Variants in TCAIM observed in about 807,000 individuals in gnomAD.
The protein encoded by TCAIM is T cell activation inhibitor, mitochondrial.
TCAIM carries 36 observed loss-of-function variants against 58.6 expected under a neutral mutation model. That is an observed-to-expected ratio of 0.61 (90% CI 0.47 to 0.81). The LOEUF (loss-of-function observed/expected upper bound fraction) is 0.81. Among genes scored for constraint, TCAIM ranks in the 30% least tolerant of loss-of-function variants. The probability of loss-of-function intolerance (pLI) is 0.00; values close to 1 mark genes in which losing one functional copy is unlikely to be tolerated. For missense variants in TCAIM, 466 were observed against 579.6 expected, an observed-to-expected ratio of 0.80 and a Z score of 2.01; for synonymous variants, 172 against 193.6, an observed-to-expected ratio of 0.89 and a Z score of 0.93.
intron 3 of TCAIM, among the ~76,000 whole-genome samples, chr3:44,360,930 A>T (rs1701286018): frequency 6.6e-6 from 1 of 152,228 alleles, no homozygotes; most frequent in Admixed American, 6.5e-5. Context: ...TTTTCAGCAA[A>T]AATAGAAATA....
chr3:44,358,191 ATCTC>A (rs746343248), intron 3 of TCAIM: 20 of 1,560,454 alleles, frequency 1.3e-5, no homozygotes, highest in Admixed American at 2.0e-5. Context: ...ATCATGATCA[ATCTC>A]TCTCTCTTTT....
intron 5 of TCAIM, among the ~76,000 whole-genome samples, chr3:44,373,712 A>G (rs1701519454): frequency 6.6e-6 from 1 of 152,272 alleles, no homozygotes; most frequent in South Asian, 2.1e-4. Flanking sequence ...AAATTATATA[A>G]AATTATAAAA....
intron 5 of TCAIM, among the ~76,000 whole-genome samples, chr3:44,379,663 AC>A (rs1701624895): frequency 6.6e-6 from 1 of 152,188 alleles, no homozygotes; most frequent in South Asian, 2.1e-4. Flanking sequence ...ATAAGTGGGA[AC>A]AAAATAATGA....
intron 5 of TCAIM, among the ~76,000 whole-genome samples, chr3:44,389,696 T>C (rs566215304): frequency 6.6e-6 from 1 of 152,204 alleles, no homozygotes; most frequent in East Asian, 1.9e-4. Context: ...ACGAATATTC[T>C]TAAAGAGGGT....
At chr3:44,358,446 C>A in intron 3 of TCAIM, 1 of 562,912 alleles carries the variant, frequency 1.8e-6, no homozygotes. Context: ...CAACCTCAGA[C>A]TGAAAATATT....
intron 5 of TCAIM, among the ~76,000 whole-genome samples, chr3:44,387,755 G>A (rs900019438): frequency 3.3e-5 from 5 of 152,146 alleles, no homozygotes; most frequent in Admixed American, 2.0e-4. Context: ...CAGTGGGCCC[G>A]AGCCAAACTC....
chr3:44,342,996 G>A lies in TCAIM; in HGVS notation c.-45+4162G>A, dbSNP rs1006725864. ...TACTAAAAATACAAAAATTCGCTGG[G>A]TGCGGTGGCAGGCGACTGTAATCCC... On this transcript the variant is annotated intron_variant, in intron 1 of 10. Transcript: ENST00000342649. Among the ~76,000 whole-genome samples the A allele has an allele frequency of 9.2e-5, 14 of 152,048 alleles. 1 individual carries two copies. The highest frequency in any genetic ancestry group is 9.2e-4 in the Admixed American group (14 of 15,272).
At chr3:44,344,648 A>T (rs1433452683) in intron 1 of TCAIM, among the ~76,000 whole-genome samples, 2 of 152,048 alleles carry the variant, frequency 1.3e-5, no homozygotes, top group African/African-American at 4.8e-5. Flanking sequence ...GGCACTAATG[A>T]CCTTATTACT....
At chr3:44,404,462 G>C (rs757428366) in intron 10 of TCAIM, among the ~76,000 whole-genome samples, 17 of 151,912 alleles carry the variant, frequency 1.1e-4, no homozygotes, top group Non-Finnish European at 2.1e-4. Context: ...TCTGGCTCTG[G>C]GCCCCAGAGT....
At chr3:44,354,127 C>T (rs1448590333) in intron 1 of TCAIM, among the ~76,000 whole-genome samples, 3 of 152,094 alleles carry the variant, frequency 2.0e-5, no homozygotes, top group South Asian at 2.1e-4. Context: ...TTAATTTTTT[C>T]GCATGTGGAT....
chr3:44,375,080 C>A (rs2125642325), intron 5 of TCAIM, among the ~76,000 whole-genome samples: 1 of 152,214 alleles, frequency 6.6e-6, no homozygotes, highest in East Asian at 1.9e-4. Context: ...TTTTTATATA[C>A]CTTTTAATGT....
chr3:44,353,704 T>C (rs1333630772), intron 1 of TCAIM, among the ~76,000 whole-genome samples: 1 of 152,274 alleles, frequency 6.6e-6, no homozygotes, highest in African/African-American at 2.4e-5. Context: ...TTTCATATGC[T>C]CATTTGCCAT....
At chr3:44,407,400 A>G (rs1702116576) in intron 10 of TCAIM, 42 bp from the exon 11 acceptor site, 2 of 1,317,978 alleles carry the variant, frequency 1.5e-6, no homozygotes, top group African/African-American at 1.5e-5. Context: ...GGTTATGACA[A>G]TATTTGTTCT....
intron 3 of TCAIM, among the ~76,000 whole-genome samples, chr3:44,360,657 G>A (rs2125634477): frequency 6.6e-6 from 1 of 150,562 alleles, no homozygotes; most frequent in South Asian, 2.1e-4. Flanking sequence ...GGCGGGGAGT[G>A]TGGTGGCACC....
At chr3:44,372,145 C>T (rs887272114) in intron 5 of TCAIM, among the ~76,000 whole-genome samples, 22 of 152,092 alleles carry the variant, frequency 1.4e-4, no homozygotes, top group African/African-American at 4.8e-4. Context: ...GCATGTTTGG[C>T]GGGGCCAACT....
intron 5 of TCAIM, among the ~76,000 whole-genome samples, chr3:44,389,763 G>C (rs1470865940): frequency 2.0e-5 from 3 of 149,514 alleles, no homozygotes; most frequent in Admixed American, 2.0e-4. Context: ...AAAAAACATC[G>C]AACACTTTCA....
chr3:44,362,527 T>A, intron 4 of TCAIM: 1 of 400,418 alleles, frequency 2.5e-6, no homozygotes, highest in African/African-American at 2.0e-5. Flanking sequence ...GTATATGATC[T>A]CTTACCTTTT....
chr3:44,382,312 C>T (rs112669897), intron 5 of TCAIM, among the ~76,000 whole-genome samples: 27,491 of 152,144 alleles, frequency 0.18, 2,738 homozygotes, highest in Middle Eastern at 0.29. Flanking sequence ...AATCCCAGCA[C>T]TTTGGGAGGC....
intron 1 of TCAIM, chr3:44,340,155 A>G (rs1191006967): frequency 1.3e-5 from 2 of 152,102 alleles, no homozygotes; most frequent in Admixed American, 6.6e-5. Context: ...ACCCAACTCT[A>G]CTCTGAAGCA....
Sources: allele counts gnomAD v4.1 joint callset (sites outside exome capture counted in the v4.1 genomes callset), GRCh38; gene constraint gnomAD v4.1.1; transcripts MANE v1.5; gene names NCBI Gene and HGNC (gene_info 2026-07-23, HGNC 2026-07-21).